CGAS: variants seen among roughly 807,000 people sequenced by gnomAD.
The protein encoded by CGAS is 2'3'-cGAMP synthase.
A neutral mutation model predicts 34.0 loss-of-function variants in CGAS; 31 were observed. That is an observed-to-expected ratio of 0.91 (90% CI 0.69 to 1.23). The LOEUF (loss-of-function observed/expected upper bound fraction) is 1.23, where lower values mean the gene tolerates loss of function less well. Ranked by LOEUF, CGAS falls within the 50% of genes most tolerant of loss-of-function variation. CGAS has a pLI of 0.00. For missense variants in CGAS, 597 were observed against 657.6 expected (o/e 0.91, Z 1.01); for synonymous variants, 266 against 260.0 (o/e 1.02, Z -0.22).
chr6:73,440,515 A>T (rs1186150465), intron 2 of CGAS, 70 bp from the exon 3 acceptor site: 1 of 1,250,974 alleles, frequency 8.0e-7, no homozygotes, highest in Non-Finnish European at 1.1e-6. Context: ...AGGGGAAATA[A>T]TGTAACTATA....
intron 2 of CGAS, among the ~76,000 whole-genome samples, chr6:73,441,890 A>G (rs1770387321): frequency 6.6e-6 from 1 of 151,768 alleles, no homozygotes; most frequent in Non-Finnish European, 1.5e-5. Flanking sequence ...TTTTTTTGAG[A>G]CAAAGTCTTG....
chr6:73,442,756 G>T (rs144963410), intron 2 of CGAS, among the ~76,000 whole-genome samples: 169 of 151,836 alleles, frequency 1.1e-3, no homozygotes, highest in Non-Finnish European at 2.0e-3. Flanking sequence ...CTGCCACCAC[G>T]CCTGGCTAAT....
intron 4 of CGAS, among the ~76,000 whole-genome samples, chr6:73,426,895 G>C (rs1770099295): frequency 6.7e-6 from 1 of 150,366 alleles, no homozygotes; most frequent in African/African-American, 2.5e-5. Flanking sequence ...CTGTTGCCCA[G>C]GCTGGAGTGC....
At chr6:73,425,694 C>A in intron 4 of CGAS, 116 bp from the exon 5 acceptor site, 1 of 683,690 alleles carries the variant, frequency 1.5e-6, no homozygotes. Context: ...TAAATATAGG[C>A]CGGGCGTGGT....
intron 3 of CGAS, among the ~76,000 whole-genome samples, chr6:73,431,073 G>C (rs1171073912): frequency 6.6e-6 from 1 of 151,992 alleles, no homozygotes; most frequent in Non-Finnish European, 1.5e-5. Flanking sequence ...TTGCACTCCA[G>C]CCTGGATGAC....
chr6:73,451,757 G>A lies in CGAS; in HGVS notation c.425C>T (p.Pro142Leu). 6.2e-7 allele frequency: 1 copy of A among 1,608,556 alleles called. No individual in the cohort carries two copies. Among genetic ancestry groups the A allele is most frequent in the Non-Finnish European group, 8.5e-7 (1 of 1,177,970 alleles). The change falls in exon 1 of 5, where the codon CCC becomes CTC. Residue 142 changes from proline (P) to leucine (L), a missense_variant. By Grantham distance (98) the Pro-to-Leu change is moderately conservative (BLOSUM62 -3). Coordinates refer to ENST00000370315, the MANE Select transcript of CGAS (RefSeq NM_138441.3). ...GGCCGAGACCGGCAGGCCGGGGCTGGGCACGTCCCAGGGCCCGGGCGGAGG... is the reference window on the plus strand; with the variant it reads ...GGCCGAGACCGGCAGGCCGGGGCTGAGCACGTCCCAGGGCCCGGGCGGAGG... ...PRPPPGPWDV[P>L]SPGLPVSAPI... is the part of the protein sequence containing the mutation.
At chr6:73,450,531 A>G (rs1025372782) in intron 1 of CGAS, among the ~76,000 whole-genome samples, 1 of 152,218 alleles carries the variant, frequency 6.6e-6, no homozygotes, top group African/African-American at 2.4e-5. Context: ...CACAGGAATG[A>G]TTAATGACTC....
chr6:73,452,196 G>A lies in CGAS; in HGVS notation c.-15C>T. ...CAAGGCTGCATGGCTGGCGCTTTCT[G>A]TTCCCCGAAAGAAGAATCCGTTTCA... On this transcript the variant is annotated 5_prime_UTR_variant, in exon 1 of 5. Coordinates refer to ENST00000370315, the MANE Select transcript of CGAS (RefSeq NM_138441.3). 6.3e-7 allele frequency: 1 copy of A among 1,585,704 alleles called. No homozygotes were observed. Among genetic ancestry groups the A allele is most frequent in the African/African-American group, 1.4e-5 (1 of 72,810 alleles).
rs527559417 is a variant in CGAS at position 73,450,037 on chromosome 6, TAAAG to T, written c.657+1484_657+1487del. Among the ~76,000 whole-genome samples the T allele has an allele frequency of 3.5e-3, 345 of 99,504 alleles. 1 individual carries two copies. Among genetic ancestry groups the T allele is most frequent in the Non-Finnish European group, 5.8e-3 (261 of 45,044 alleles). The allele number at this position is 99,504 out of a possible 152,430, so 65.3% of individuals were successfully genotyped here. A position where few individuals can be genotyped will look rare whatever the true frequency, so the allele number is the denominator to read the frequency against. Reference sequence around the variant, plus strand: ...GAAAGAAAAGAAAGAAAGAACAAAATAAAGAGAGAGAGAGAGAGAGGAAGAGAGG... The same window carrying T: ...GAAAGAAAAGAAAGAAAGAACAAAATAGAGAGAGAGAGAGAGGAAGAGAGG... On this transcript the variant is annotated intron_variant, in intron 1 of 4. Transcript: ENST00000370315.
intron 1 of CGAS, among the ~76,000 whole-genome samples, chr6:73,450,190 G>C (rs1406025825): frequency 6.6e-6 from 1 of 151,934 alleles, no homozygotes; most frequent in Non-Finnish European, 1.5e-5. Flanking sequence ...GCTGAGGCTG[G>C]CAGATCACCT....
In CGAS at chr6:73,451,874, T is replaced by G. The variant is rs776344260; in HGVS notation, c.308A>C (p.Glu103Ala). The change falls in exon 1 of 5, where the codon GAG becomes GCG. Residue 103 changes from glutamate to alanine, a missense_variant. By Grantham distance (107) the Glu-to-Ala change is moderately radical. Coordinates refer to ENST00000370315, the MANE Select transcript of CGAS (RefSeq NM_138441.3). ...PSDATSAPGA[E>A]GLEPPAAREP... Reference sequence around the variant, plus strand: ...CCGAGCCGCAGGAGGCTCCAGCCCCTCTGCCCCAGGGGCGCTGGTGGCGTC... The same window carrying G: ...CCGAGCCGCAGGAGGCTCCAGCCCCGCTGCCCCAGGGGCGCTGGTGGCGTC... 2 of 1,545,998 alleles carry G rather than the reference T, an allele frequency of 1.3e-6. No homozygotes were observed. The highest frequency in any genetic ancestry group is 1.7e-6 in the Non-Finnish European group (2 of 1,144,344).
intron 2 of CGAS, among the ~76,000 whole-genome samples, 173 bp from the exon 3 acceptor site, chr6:73,440,618 T>C (rs1429940758): frequency 6.6e-6 from 1 of 152,058 alleles, no homozygotes; most frequent in Non-Finnish European, 1.5e-5. Context: ...TAAACCAATA[T>C]TGGCTGGGCA....
intron 3 of CGAS, among the ~76,000 whole-genome samples, chr6:73,429,815 G>C (rs565497002): frequency 1.3e-5 from 2 of 151,816 alleles, no homozygotes; most frequent in Non-Finnish European, 2.9e-5. Flanking sequence ...AACAGCACAA[G>C]ACTCTGTCTC....
rs575356584 is a variant in CGAS, at chr6:73,442,404, C to CTTTTTT, written c.878-1965_878-1960dup. Among the ~76,000 whole-genome samples the CTTTTTT allele has an allele frequency of 4.9e-3, 685 of 140,756 alleles. 8 individuals carry two copies. The highest frequency in any genetic ancestry group is 0.017 in the African/African-American group (638 of 37,748). 92.3% of individuals were successfully genotyped at this position (140,756 alleles called of 152,430 possible). A position where few individuals can be genotyped will look rare whatever the true frequency, so the allele number is the denominator to read the frequency against. ...TCTTTCTGCTTCCTTCCAGCCCAAA[C>CTTTTTT]TTTTTTTTTTTTTTGAGACAGGGTC... On this transcript the variant is annotated intron_variant, in intron 2 of 4. Coordinates refer to ENST00000370315, the MANE Select transcript of CGAS (RefSeq NM_138441.3).
At chr6:73,437,435 T>C (rs1390898301) in intron 3 of CGAS, among the ~76,000 whole-genome samples, 1 of 151,092 alleles carries the variant, frequency 6.6e-6, no homozygotes, top group Admixed American at 6.6e-5. Flanking sequence ...GTCCAGAGAC[T>C]TTTTTTTTGG....
chr6:73,426,311 T>TAA (rs1770085668), intron 4 of CGAS, among the ~76,000 whole-genome samples: 8 of 142,740 alleles, frequency 5.6e-5, no homozygotes, highest in African/African-American at 1.1e-4. Context: ...TAAAATAAAA[T>TAA]AATAAAATAA....
chr6:73,446,837 C>G (rs1770481300), intron 1 of CGAS, among the ~76,000 whole-genome samples: 1 of 151,566 alleles, frequency 6.6e-6, no homozygotes, highest in Admixed American at 6.6e-5. Flanking sequence ...GCAGGCGAAT[C>G]ACAAGGTCAA....
chr6:73,446,348 AAT>A (rs1407568902), intron 1 of CGAS, among the ~76,000 whole-genome samples: 7 of 118,170 alleles, frequency 5.9e-5, no homozygotes, highest in South Asian at 2.9e-4. Context: ...AAAAAAAAAA[AAT>A]TTGTGTATGA....
chr6:73,447,360 T>G (rs1306697177), intron 1 of CGAS, among the ~76,000 whole-genome samples: 1 of 152,128 alleles, frequency 6.6e-6, no homozygotes, highest in Non-Finnish European at 1.5e-5. Context: ...CTTGGCTCAC[T>G]GCAACCTCAG....
Sources: gnomAD v4.1 joint callset for allele counts (sites outside exome capture counted in the v4.1 genomes callset) on GRCh38, gnomAD v4.1.1 for gene constraint, MANE v1.5 for transcripts, NCBI Gene and HGNC (gene_info 2026-07-23, HGNC 2026-07-21) for gene names.